The following XRRA1 variants were observed in gnomAD, a reference collection of about 807,000 sequenced individuals.
The protein encoded by XRRA1 is X-ray radiation resistance-associated protein 1.
In XRRA1, 69 loss-of-function variants were observed where a neutral mutation model predicts 80.2. That is an observed-to-expected ratio of 0.86 (90% CI 0.71 to 1.05). XRRA1 has a LOEUF of 1.05. Ranked by LOEUF, XRRA1 falls within the 50% of genes least tolerant of loss-of-function variation. XRRA1 has a pLI of 0.00. For missense variants in XRRA1, 967 were observed against 976.4 expected (o/e 0.99, Z 0.13); for synonymous variants, 348 against 389.9 (o/e 0.89, Z 1.27).
chr11:74,901,986 G>A (rs1401007780), intron 10 of XRRA1, among the ~76,000 whole-genome samples: 2 of 152,164 alleles, frequency 1.3e-5, no homozygotes, highest in Non-Finnish European at 2.9e-5. Context: ...ACAACCCACA[G>A]AATGGGAGAA....
chr11:74,888,344 G>A (rs540769048), intron 10 of XRRA1, among the ~76,000 whole-genome samples: 1 of 152,300 alleles, frequency 6.6e-6, no homozygotes, highest in South Asian at 2.1e-4. Context: ...AACTCCAACA[G>A]ACCTGCAGCT....
chr11:74,924,661 C>G (rs1462962059), intron 7 of XRRA1, among the ~76,000 whole-genome samples: 3 of 151,894 alleles, frequency 2.0e-5, no homozygotes, highest in African/African-American at 7.3e-5. Flanking sequence ...AGGTGAAACC[C>G]TTCTCTACCA....
chr11:74,899,234 C>T (rs7108347), intron 10 of XRRA1, among the ~76,000 whole-genome samples: 3,236 of 151,918 alleles, frequency 0.021, 110 homozygotes, highest in African/African-American at 0.074. Flanking sequence ...ACACAACATA[C>T]CAAAACATAT....
chr11:74,889,614 C>G (rs548860689), intron 10 of XRRA1, among the ~76,000 whole-genome samples: 52 of 152,170 alleles, frequency 3.4e-4, no homozygotes, highest in East Asian at 1.2e-3. Flanking sequence ...CTGGCAAATT[C>G]GATAAAGAGT....
At chr11:74,932,463 G>C (rs1410345646) in intron 5 of XRRA1, among the ~76,000 whole-genome samples, 1 of 152,072 alleles carries the variant, frequency 6.6e-6, no homozygotes, top group Admixed American at 6.6e-5. Context: ...CTCTCTACTG[G>C]ACTATATGCT....
Position 74,859,263 on chromosome 11 carries a change from A to C in XRRA1, c.1065T>G (p.Leu355=). 1 of 1,607,476 alleles carries C rather than the reference A, an allele frequency of 6.2e-7. No homozygotes were observed. The highest frequency in any genetic ancestry group is 8.5e-7 in the Non-Finnish European group (1 of 1,177,754). Reference sequence around the variant, plus strand: ...CAGGAAGGATCTCGAATATGGGAGGAAGTGAACATATCTTGGTTGTCTTAG... The same window carrying C: ...CAGGAAGGATCTCGAATATGGGAGGCAGTGAACATATCTTGGTTGTCTTAG... ...STSETTKICS[L]PPIFEILPVK... Residue 355 remains leucine (L), a synonymous_variant, in exon 12 of 19, where the codon CTT becomes CTG. Coordinates refer to ENST00000684022, the MANE Select transcript of XRRA1 (RefSeq NM_001378157.1).
intron 9 of XRRA1, 126 bp downstream of exon 9, chr11:74,907,019 C>G: frequency 1.5e-6 from 2 of 1,334,328 alleles, no homozygotes; most frequent in Admixed American, 4.2e-5. Flanking sequence ...CCCATGGCCA[C>G]ACAGTAGAGA....
chr11:74,949,082 G>C lies in XRRA1; in HGVS notation c.-227C>G, dbSNP rs971019141. The C allele has an allele frequency of 2.1e-4, 101 of 486,872 alleles. No homozygotes were observed. The highest frequency in any genetic ancestry group is 1.9e-3 in the African/African-American group (93 of 50,258). The allele number at this position is 486,872 out of a possible 1,614,324, so 30.2% of individuals were successfully genotyped here. Reference sequence around the variant, plus strand: ...CACGCCTTAGTAACTGCGACGCGACGGCAGACAGTGTAGGCGGCAACCGAC... The same window carrying C: ...CACGCCTTAGTAACTGCGACGCGACCGCAGACAGTGTAGGCGGCAACCGAC... On this transcript the variant is annotated 5_prime_UTR_variant, in exon 1 of 19. Transcript: ENST00000684022.
chr11:74,886,818 ACTACAAG>A (rs1421605478), intron 10 of XRRA1, among the ~76,000 whole-genome samples: 1 of 152,240 alleles, frequency 6.6e-6, no homozygotes, highest in African/African-American at 2.4e-5. Flanking sequence ...TTAAAACTAT[ACTACAAG>A]GCTACAGTAA....
rs555361823 is a variant in XRRA1 at position 74,933,681 on chromosome 11, C to G, written c.351+120G>C. 83 of 823,350 alleles carry G rather than the reference C, an allele frequency of 1.0e-4. No homozygotes were observed. The African/African-American group carries it at 1.4e-3, about 14-fold the overall frequency. The allele number at this position is 823,350 out of a possible 1,614,324, so 51.0% of individuals were successfully genotyped here. A position where few individuals can be genotyped will look rare whatever the true frequency, so the allele number is the denominator to read the frequency against. ...TTGTCTGACTCTCCTCTCCCTCCTTCTTCGTGACCAGATTTCCAGTCCCTA... is the reference window on the plus strand; with the variant it reads ...TTGTCTGACTCTCCTCTCCCTCCTTGTTCGTGACCAGATTTCCAGTCCCTA... On this transcript the variant is annotated intron_variant, in intron 5 of 18. Coordinates refer to ENST00000684022, the MANE Select transcript of XRRA1 (RefSeq NM_001378157.1).
chr11:74,945,796 T>C (rs1947387046), intron 1 of XRRA1, among the ~76,000 whole-genome samples: 1 of 151,894 alleles, frequency 6.6e-6, no homozygotes, highest in African/African-American at 2.4e-5. Flanking sequence ...TCTCTTTCTC[T>C]CTCTCTCACA....
chr11:74,857,329 T>C (rs1452270460), intron 12 of XRRA1, among the ~76,000 whole-genome samples: 1 of 151,296 alleles, frequency 6.6e-6, no homozygotes, highest in Non-Finnish European at 1.5e-5. Context: ...AAACAGTAAG[T>C]ATAAGGAAGC....
At chr11:74,844,533 G>C (rs2037479175) in intron 16 of XRRA1, among the ~76,000 whole-genome samples, 1 of 152,154 alleles carries the variant, frequency 6.6e-6, no homozygotes, top group South Asian at 2.1e-4. Context: ...AAATAGTATT[G>C]GAGTGGGGGA....
At chr11:74,846,192 A>G (rs962304254) in intron 15 of XRRA1, 1 of 152,022 alleles carries the variant, frequency 6.6e-6, no homozygotes. Context: ...TGGGCAACAT[A>G]GTGAGACCCC....
rs772196398 is a variant in XRRA1 at position 74,845,269 on chromosome 11, C to G, written c.1731G>C (p.Val577=). 6.2e-7 allele frequency: 1 copy of G among 1,610,322 alleles called. No homozygotes were observed. The highest frequency in any genetic ancestry group is 8.5e-7 in the Non-Finnish European group (1 of 1,177,812). ...GGATGACGGAGGAAGGCAGTTCACT[C>G]ACCTGTGCCCAGGAAGAAAACGCAT... The part of the protein sequence containing the change: ...KSTESIFLTQ[V]SELPSSVIHK... The change falls in exon 16 of 19, where the codon GTG becomes GTC. Residue 577 remains valine, a splice_region_variant and synonymous_variant. Transcript: ENST00000684022.
intron 8 of XRRA1, among the ~76,000 whole-genome samples, chr11:74,917,396 CT>C (rs11298530): frequency 0.025 from 3,731 of 152,194 alleles, 161 homozygotes; most frequent in African/African-American, 0.085. Context: ...AAGACGTAAA[CT>C]TTTAATAGAG....
intron 8 of XRRA1, among the ~76,000 whole-genome samples, chr11:74,909,040 G>A (rs769427954): frequency 2.6e-5 from 4 of 152,120 alleles, no homozygotes; most frequent in African/African-American, 4.8e-5. Flanking sequence ...CCTCAGGCAC[G>A]GCTGTGAGAT....
chr11:74,866,035 C>T (rs1321581026), intron 10 of XRRA1, among the ~76,000 whole-genome samples: 1 of 152,180 alleles, frequency 6.6e-6, no homozygotes, highest in Non-Finnish European at 1.5e-5. Context: ...GACAGGCACA[C>T]ACAAAGCCAG....
intron 10 of XRRA1, among the ~76,000 whole-genome samples, chr11:74,889,614 C>T (rs548860689): frequency 1.3e-5 from 2 of 152,052 alleles, no homozygotes; most frequent in Non-Finnish European, 2.9e-5. Flanking sequence ...CTGGCAAATT[C>T]GATAAAGAGT....
Sources: allele counts gnomAD v4.1 joint callset (sites outside exome capture counted in the v4.1 genomes callset), GRCh38; gene constraint gnomAD v4.1.1; transcripts MANE v1.5; gene names NCBI Gene and HGNC (gene_info 2026-07-23, HGNC 2026-07-21).